NRXN3: variants seen among roughly 807,000 people sequenced by gnomAD.
NRXN3 encodes neurexin 3.
In NRXN3, 32 loss-of-function variants were observed where a neutral mutation model predicts 137.6. The ratio of observed to expected loss-of-function variants is 0.23; its 90% CI spans 0.18 to 0.31. NRXN3 has a LOEUF of 0.31. Ranked by LOEUF, NRXN3 falls within the 10% of genes least tolerant of loss-of-function variation. The pLI is 1.00. For synonymous variants in NRXN3, 798 were observed against 784.5 expected, an observed-to-expected ratio of 1.02 and a Z score of -0.29; for missense variants, 1,574 against 2,062.5, an observed-to-expected ratio of 0.76 and a Z score of 4.59.
At chr14:78,239,179 G>A (rs2066747913) in intron 1 of NRXN3, among the ~76,000 whole-genome samples, 1 of 152,196 alleles carries the variant, frequency 6.6e-6, no homozygotes, top group Non-Finnish European at 1.5e-5. Flanking sequence ...GCTCCATGAC[G>A]AGGCCCTGTG....
intron 15 of NRXN3, among the ~76,000 whole-genome samples, chr14:79,001,892 G>A (rs1206285590): frequency 2.0e-5 from 3 of 152,154 alleles, no homozygotes; most frequent in Admixed American, 2.0e-4. Context: ...TATTGGGCCT[G>A]GGAAAGAGTT....
chr14:79,796,355 A>G (rs574768996), intron 19 of NRXN3, among the ~76,000 whole-genome samples: 1 of 152,272 alleles, frequency 6.6e-6, no homozygotes, highest in South Asian at 2.1e-4. Flanking sequence ...GGGAAGGTAC[A>G]TTGAAGTTTG....
chr14:79,345,509 T>A (rs1169046175), intron 15 of NRXN3, among the ~76,000 whole-genome samples: 1 of 152,174 alleles, frequency 6.6e-6, no homozygotes, highest in Admixed American at 6.5e-5. Context: ...CAATGCCATG[T>A]CTTAGCAGGA....
chr14:78,442,054 C>A (rs2094270878), intron 4 of NRXN3, among the ~76,000 whole-genome samples: 1 of 150,510 alleles, frequency 6.6e-6, no homozygotes, highest in Non-Finnish European at 1.5e-5. Flanking sequence ...TGAGATCTTG[C>A]CACTGCACTC....
intron 2 of NRXN3, among the ~76,000 whole-genome samples, chr14:78,245,532 A>C (rs2067545294): frequency 6.6e-6 from 1 of 152,190 alleles, no homozygotes; most frequent in Non-Finnish European, 1.5e-5. Context: ...TGTGTAATTA[A>C]AGACTGCAGG....
At chr14:79,853,976 T>A (rs2099397178) in intron 20 of NRXN3, 1 of 985,402 alleles carries the variant, frequency 1.0e-6, no homozygotes, top group African/African-American at 1.8e-5. Flanking sequence ...AAGTGCAGAT[T>A]TTTTTTTTCT....
intron 10 of NRXN3, among the ~76,000 whole-genome samples, chr14:78,889,069 A>G (rs2099151855): frequency 6.6e-6 from 1 of 152,034 alleles, no homozygotes; most frequent in Admixed American, 6.6e-5. Context: ...ATTGTACAGT[A>G]TGATAAAAAT....
intron 16 of NRXN3, among the ~76,000 whole-genome samples, chr14:79,598,555 C>A (rs2097887135): frequency 6.6e-6 from 1 of 152,158 alleles, no homozygotes; most frequent in Non-Finnish European, 1.5e-5. Flanking sequence ...TGTCAAAGGG[C>A]CATGTTACTA....
At chr14:78,664,499 A>T (rs931733838) in intron 6 of NRXN3, among the ~76,000 whole-genome samples, 1 of 152,180 alleles carries the variant, frequency 6.6e-6, no homozygotes, top group Non-Finnish European at 1.5e-5. Context: ...CCCACTTTCA[A>T]TGAAAAAGTT....
chr14:79,839,134 T>C (rs1256713199), intron 20 of NRXN3, among the ~76,000 whole-genome samples: 3 of 151,902 alleles, frequency 2.0e-5, no homozygotes, highest in African/African-American at 7.3e-5. Flanking sequence ...AAGCAGAGGG[T>C]ACTTTCTTAT....
chr14:79,215,002 T>C (rs1300263866), intron 15 of NRXN3, among the ~76,000 whole-genome samples: 1 of 152,156 alleles, frequency 6.6e-6, no homozygotes, highest in African/African-American at 2.4e-5. Flanking sequence ...GAGCTCAAGG[T>C]CCAGAAAGGT....
At chr14:78,321,358 A>G (rs1472543442) in intron 4 of NRXN3, among the ~76,000 whole-genome samples, 2 of 152,056 alleles carry the variant, frequency 1.3e-5, no homozygotes, top group Admixed American at 6.5e-5. Flanking sequence ...ACTGGTAAAG[A>G]CAGAACAAAA....
chr14:79,437,415 TAA>T (rs1224944515), intron 15 of NRXN3, among the ~76,000 whole-genome samples: 10 of 136,998 alleles, frequency 7.3e-5, no homozygotes, highest in Non-Finnish European at 8.0e-5. Flanking sequence ...ATGTGCGTTC[TAA>T]AAAAAAAAAA....
chr14:78,594,628 A>G (rs2152416295), intron 4 of NRXN3, among the ~76,000 whole-genome samples: 1 of 152,344 alleles, frequency 6.6e-6, no homozygotes. Flanking sequence ...TATTTGGGCC[A>G]GAAGTCCACA....
intron 8 of NRXN3, among the ~76,000 whole-genome samples, chr14:78,759,965 GA>G (rs1567234066): frequency 6.6e-6 from 1 of 150,770 alleles, no homozygotes; most frequent in African/African-American, 2.4e-5. Flanking sequence ...CAGAAGCACA[GA>G]GAGTTAAGTA....
chr14:79,148,902 A>C (rs2059549324), intron 15 of NRXN3, among the ~76,000 whole-genome samples: 1 of 152,028 alleles, frequency 6.6e-6, no homozygotes, highest in Admixed American at 6.6e-5. Context: ...AGCCCAAATT[A>C]GTTTGTTTAT....
intron 20 of NRXN3, among the ~76,000 whole-genome samples, chr14:79,811,804 A>G (rs2099234847): frequency 6.6e-6 from 1 of 151,368 alleles, no homozygotes; most frequent in African/African-American, 2.4e-5. Flanking sequence ...GGATGGTCTC[A>G]ATCTCCTGAC....
At chr14:79,772,273 C>A (rs2099081071) in intron 19 of NRXN3, among the ~76,000 whole-genome samples, 1 of 152,006 alleles carries the variant, frequency 6.6e-6, no homozygotes, top group Non-Finnish European at 1.5e-5. Flanking sequence ...TTGGAAAAAA[C>A]TACTTTAAAG....
chr14:79,267,926 A>G (rs766515416), intron 15 of NRXN3, among the ~76,000 whole-genome samples: 1 of 152,252 alleles, frequency 6.6e-6, no homozygotes, highest in Non-Finnish European at 1.5e-5. Context: ...TATTCTTAAA[A>G]GAATGGGGCT....
Sources: gnomAD v4.1 joint callset for allele counts (sites outside exome capture counted in the v4.1 genomes callset) on GRCh38, gnomAD v4.1.1 for gene constraint, MANE v1.5 for transcripts, NCBI Gene and HGNC (gene_info 2026-07-23, HGNC 2026-07-21) for gene names.